Variants in GSK3B observed in about 807,000 individuals in gnomAD.
The protein encoded by GSK3B is glycogen synthase kinase 3 beta.
A neutral mutation model predicts 56.4 loss-of-function variants in GSK3B; 15 were observed. The observed-to-expected ratio is 0.27, with a 90% CI of 0.18 to 0.41. The LOEUF (loss-of-function observed/expected upper bound fraction) is 0.41, where lower values mean the gene tolerates loss of function less well. Ranked by LOEUF, GSK3B falls within the 10% of genes least tolerant of loss-of-function variation. The probability of loss-of-function intolerance (pLI) is 1.00; values close to 1 mark genes in which losing one functional copy is unlikely to be tolerated. For missense variants in GSK3B, 300 were observed against 513.4 expected (o/e 0.58, Z 4.02); for synonymous variants, 181 against 188.9 (o/e 0.96, Z 0.34).
chr3:119,893,784 A>G (rs1396847259), intron 7 of GSK3B, among the ~76,000 whole-genome samples: 1 of 152,094 alleles, frequency 6.6e-6, no homozygotes. Flanking sequence ...GTCCTTTGCA[A>G]AACTATAGTC....
chr3:120,046,453 T>C (rs2058103796), intron 1 of GSK3B, among the ~76,000 whole-genome samples: 1 of 152,194 alleles, frequency 6.6e-6, no homozygotes, highest in African/African-American at 2.4e-5. Flanking sequence ...CTCTACTTTC[T>C]GTTCACTTAT....
chr3:119,894,452 A>T (rs2056540352), intron 7 of GSK3B, among the ~76,000 whole-genome samples: 1 of 152,054 alleles, frequency 6.6e-6, no homozygotes, highest in Non-Finnish European at 1.5e-5. Flanking sequence ...GTCATTATGG[A>T]GAGTGTGATA....
intron 3 of GSK3B, among the ~76,000 whole-genome samples, chr3:119,930,731 G>GA (rs2056938113): frequency 6.6e-6 from 1 of 152,038 alleles, no homozygotes; most frequent in Non-Finnish European, 1.5e-5. Flanking sequence ...AACTCAAAAA[G>GA]AAAAAACACT....
chr3:119,906,509 T>C (rs370420281), intron 6 of GSK3B, among the ~76,000 whole-genome samples: 2 of 152,118 alleles, frequency 1.3e-5, no homozygotes, highest in South Asian at 2.1e-4. Context: ...TAATACACTT[T>C]AAAAATACTT....
intron 1 of GSK3B, among the ~76,000 whole-genome samples, chr3:120,007,836 C>T (rs1222645584): frequency 6.6e-6 from 1 of 152,216 alleles, no homozygotes; most frequent in African/African-American, 2.4e-5. Context: ...AAGCTGGAAG[C>T]ATTCCCTTTG....
At chr3:119,923,823 T>C (rs1351823029) in intron 3 of GSK3B, among the ~76,000 whole-genome samples, 1 of 152,212 alleles carries the variant, frequency 6.6e-6, no homozygotes, top group African/African-American at 2.4e-5. Flanking sequence ...TGTCCTCATA[T>C]CCTATTAAGA....
chr3:119,857,246 C>A (rs1009439384), intron 9 of GSK3B, among the ~76,000 whole-genome samples: 2 of 152,160 alleles, frequency 1.3e-5, no homozygotes, highest in African/African-American at 4.8e-5. Flanking sequence ...AAGTTTGTCA[C>A]AATGCCTGAC....
At chr3:120,032,813 T>C (rs2057988737) in intron 1 of GSK3B, among the ~76,000 whole-genome samples, 1 of 152,356 alleles carries the variant, frequency 6.6e-6, no homozygotes, top group Non-Finnish European at 1.5e-5. Flanking sequence ...CCCTAGAACA[T>C]AGGGTCCCTT....
intron 1 of GSK3B, chr3:120,029,680 T>C (rs761031519): frequency 1.9e-6 from 1 of 531,282 alleles, no homozygotes. Context: ...ATTATGGCCA[T>C]GGATACAGCA....
intron 9 of GSK3B, among the ~76,000 whole-genome samples, chr3:119,861,188 T>C (rs2056096419): frequency 6.6e-6 from 1 of 152,098 alleles, no homozygotes; most frequent in African/African-American, 2.4e-5. Flanking sequence ...GCTCCAAAAT[T>C]AGAATACAGA....
At chr3:119,944,589 C>T (rs1175586346) in intron 3 of GSK3B, among the ~76,000 whole-genome samples, 1 of 152,098 alleles carries the variant, frequency 6.6e-6, no homozygotes, top group African/African-American at 2.4e-5. Flanking sequence ...TGGCCTCAAA[C>T]AGCACTCCAT....
At chr3:119,950,932 G>C (rs370538630) in intron 2 of GSK3B, among the ~76,000 whole-genome samples, 4 of 152,278 alleles carry the variant, frequency 2.6e-5, no homozygotes, top group South Asian at 4.1e-4. Context: ...GGTCATTTAG[G>C]ATAGAGAGCA....
intron 2 of GSK3B, among the ~76,000 whole-genome samples, chr3:119,985,635 A>T (rs550201392): frequency 2.6e-5 from 4 of 152,344 alleles, no homozygotes; most frequent in African/African-American, 9.6e-5. Flanking sequence ...AAAGAATGTG[A>T]AGGACCTCTT....
intron 8 of GSK3B, among the ~76,000 whole-genome samples, chr3:119,866,080 AG>A (rs2056179730): frequency 1.3e-5 from 2 of 152,210 alleles, no homozygotes; most frequent in African/African-American, 4.8e-5. Context: ...GTCAAAACCC[AG>A]TATCTCCCAC....
At chr3:119,983,452 A>C (rs1274106236) in intron 2 of GSK3B, among the ~76,000 whole-genome samples, 1 of 152,240 alleles carries the variant, frequency 6.6e-6, no homozygotes, top group East Asian at 1.9e-4. Flanking sequence ...TGCTGTATTC[A>C]GGAGACCCAT....
At chr3:119,993,138 T>G (rs1405136281) in intron 2 of GSK3B, among the ~76,000 whole-genome samples, 1 of 134,484 alleles carries the variant, frequency 7.4e-6, no homozygotes, top group Non-Finnish European at 1.6e-5. Context: ...ACCTCCTGTG[T>G]AAGGAAGAAA....
intron 8 of GSK3B, 78 bp downstream of exon 8, chr3:119,876,335 T>C (rs137906892): frequency 1.1e-5 from 9 of 787,764 alleles, no homozygotes; most frequent in Admixed American, 7.7e-5. Flanking sequence ...CTATCTGATC[T>C]CAAAATAGTT....
intron 3 of GSK3B, among the ~76,000 whole-genome samples, chr3:119,928,292 T>C (rs1052067926): frequency 1.3e-5 from 2 of 151,950 alleles, no homozygotes; most frequent in Non-Finnish European, 2.9e-5. Context: ...TAAGTAGACA[T>C]AGGTAGAATA....
chr3:119,983,156 G>A (rs2057480916), intron 2 of GSK3B, among the ~76,000 whole-genome samples: 1 of 152,154 alleles, frequency 6.6e-6, no homozygotes, highest in Non-Finnish European at 1.5e-5. Context: ...AGCAAATGCT[G>A]AGAGACTTTG....
Sources: gnomAD v4.1 joint callset for allele counts (sites outside exome capture counted in the v4.1 genomes callset) on GRCh38, gnomAD v4.1.1 for gene constraint, MANE v1.5 for transcripts, NCBI Gene and HGNC (gene_info 2026-07-23, HGNC 2026-07-21) for gene names.